Variants in AASDHPPT observed in about 807,000 individuals in gnomAD.
The protein encoded by AASDHPPT is L-aminoadipate-semialdehyde dehydrogenase-phosphopantetheinyl transferase.
A neutral mutation model predicts 36.4 loss-of-function variants in AASDHPPT; 23 were observed. That is an observed-to-expected ratio of 0.63 (90% confidence interval 0.45 to 0.89). The LOEUF is 0.89. Among genes scored for constraint, AASDHPPT ranks in the 40% least tolerant of loss-of-function variants. The pLI, the probability that AASDHPPT is intolerant of heterozygous loss-of-function variation, is 0.00. For synonymous variants in AASDHPPT, 115 were observed against 128.0 expected, an observed-to-expected ratio of 0.90 and a Z score of 0.68; for missense variants, 377 against 378.2, an observed-to-expected ratio of 1.00 and a Z score of 0.03.
At chr11:106,094,522 C>A in intron 4 of AASDHPPT, 61 bp from the exon 5 acceptor site, 1 of 1,261,068 alleles carries the variant, frequency 7.9e-7, no homozygotes, top group Non-Finnish European at 1.1e-6. Flanking sequence ...AAAATGTAAA[C>A]AAAGTTACAT....
intron 4 of AASDHPPT, chr11:106,092,944 T>G (rs1018976880): frequency 6.6e-6 from 1 of 152,196 alleles, no homozygotes; most frequent in Admixed American, 6.5e-5. Flanking sequence ...GCATTTTCCA[T>G]GTAACCATAT....
chr11:106,081,176 T>C (rs1434812018), intron 2 of AASDHPPT, among the ~76,000 whole-genome samples: 1 of 152,204 alleles, frequency 6.6e-6, no homozygotes, highest in Non-Finnish European at 1.5e-5. Context: ...TAGGCTTCAG[T>C]GTGGTTGTGA....
chr11:106,089,448 A>G (rs1319791589), intron 2 of AASDHPPT: 1 of 152,082 alleles, frequency 6.6e-6, no homozygotes, highest in Non-Finnish European at 1.5e-5. Flanking sequence ...ACAGGGCAGA[A>G]GAATATTTAG....
chr11:106,081,193 T>C (rs112396655), intron 2 of AASDHPPT, among the ~76,000 whole-genome samples: 2,370 of 152,266 alleles, frequency 0.016, 34 homozygotes, highest in African/African-American at 0.046. Context: ...GTGAATCTCT[T>C]CTCCCTTTTG....
intron 2 of AASDHPPT, among the ~76,000 whole-genome samples, chr11:106,082,276 A>G (rs1007998319): frequency 3.9e-5 from 6 of 152,202 alleles, no homozygotes; most frequent in Non-Finnish European, 5.9e-5. Context: ...TGAAGCATCA[A>G]TGGACACAGC....
chr11:106,090,957 A>T (rs544972336), intron 3 of AASDHPPT, among the ~76,000 whole-genome samples: 12 of 152,236 alleles, frequency 7.9e-5, no homozygotes, highest in African/African-American at 2.6e-4. Flanking sequence ...TCATAAAGGA[A>T]CTAATACACA....
At chr11:106,083,719 G>T (rs1343730467) in intron 2 of AASDHPPT, among the ~76,000 whole-genome samples, 1 of 152,018 alleles carries the variant, frequency 6.6e-6, no homozygotes, top group Non-Finnish European at 1.5e-5. Context: ...TGGTAGAATT[G>T]GTTAGTCATG....
At chr11:106,089,045 G>A (rs1487482454) in intron 2 of AASDHPPT, among the ~76,000 whole-genome samples, 3 of 152,008 alleles carry the variant, frequency 2.0e-5, no homozygotes, top group Admixed American at 1.3e-4. Context: ...AGGAGAAACT[G>A]TAAACTCTCT....
chr11:106,087,444 T>C (rs1861208266), intron 2 of AASDHPPT, among the ~76,000 whole-genome samples: 1 of 152,168 alleles, frequency 6.6e-6, no homozygotes, highest in African/African-American at 2.4e-5. Context: ...ATATGATTTA[T>C]TATCTAAGGC....
At chr11:106,095,120 G>A (rs1015663369) in intron 5 of AASDHPPT, among the ~76,000 whole-genome samples, 4 of 151,844 alleles carry the variant, frequency 2.6e-5, no homozygotes, top group African/African-American at 4.8e-5. Flanking sequence ...GCGAAACTCC[G>A]TCTCAAAAAA....
chr11:106,094,553 A>G (rs575819868), intron 4 of AASDHPPT, 30 bp from the exon 5 acceptor site: 2 of 1,506,298 alleles, frequency 1.3e-6, no homozygotes, highest in African/African-American at 1.4e-5. Context: ...ATATTTTATA[A>G]TCTATATTTA....
intron 4 of AASDHPPT, chr11:106,093,959 A>G (rs1447943238): frequency 6.6e-6 from 1 of 151,754 alleles, no homozygotes; most frequent in Non-Finnish European, 1.5e-5. Context: ...TATACATACT[A>G]ACATCACCAG....
intron 2 of AASDHPPT, among the ~76,000 whole-genome samples, chr11:106,081,062 G>A (rs1861133386): frequency 6.6e-6 from 1 of 152,178 alleles, no homozygotes; most frequent in Non-Finnish European, 1.5e-5. Flanking sequence ...AACCATGTTA[G>A]CCACATCAGA....
At chr11:106,090,508 T>C in intron 2 of AASDHPPT, 49 bp from the exon 3 acceptor site, 2 of 1,484,012 alleles carry the variant, frequency 1.3e-6, no homozygotes, top group Non-Finnish European at 1.8e-6. Context: ...GAGCAACTTT[T>C]TATTTTTTAA....
chr11:106,096,201 G>C (rs2135046705), intron 5 of AASDHPPT, among the ~76,000 whole-genome samples: 1 of 152,256 alleles, frequency 6.6e-6, no homozygotes, highest in East Asian at 1.9e-4. Context: ...TAGATGTGTA[G>C]AATATTAAAG....
chr11:106,087,737 G>A (rs1861210957), intron 2 of AASDHPPT, among the ~76,000 whole-genome samples: 1 of 152,094 alleles, frequency 6.6e-6, no homozygotes, highest in Non-Finnish European at 1.5e-5. Flanking sequence ...TTGCTGGGTG[G>A]TCTTGATTAG....
At chr11:106,084,486 C>T (rs923154890) in intron 2 of AASDHPPT, among the ~76,000 whole-genome samples, 4 of 151,946 alleles carry the variant, frequency 2.6e-5, no homozygotes, top group African/African-American at 9.7e-5. Context: ...ATAATAGAGA[C>T]AGGGTTTCTC....
chr11:106,077,920 G>T, intron 1 of AASDHPPT, 27 bp downstream of exon 1: 1 of 1,608,856 alleles, frequency 6.2e-7, no homozygotes, highest in South Asian at 1.1e-5. Flanking sequence ...TTGGTATTTA[G>T]AGCCTAGGAA....
intron 3 of AASDHPPT, 79 bp downstream of exon 3, chr11:106,090,757 C>T: frequency 6.6e-7 from 1 of 1,518,858 alleles, no homozygotes; most frequent in East Asian, 2.4e-5. Context: ...TCCTTGGTTA[C>T]CCAGTAGTGT....
Sources: allele counts gnomAD v4.1 joint callset (sites outside exome capture counted in the v4.1 genomes callset), GRCh38; gene constraint gnomAD v4.1.1; transcripts MANE v1.5; gene names NCBI Gene and HGNC (gene_info 2026-07-23, HGNC 2026-07-21).